MYO1E: variants seen among roughly 807,000 people sequenced by gnomAD.
The protein encoded by MYO1E is unconventional myosin-Ie.
Under a neutral mutation model 151.1 loss-of-function variants are expected in MYO1E, and 68 were observed. The observed-to-expected ratio is 0.45, with a 90% CI of 0.37 to 0.55. MYO1E has a LOEUF of 0.55. Among genes scored for constraint, MYO1E ranks in the 20% least tolerant of loss-of-function variants. MYO1E has a pLI of 0.00. For missense variants in MYO1E, 1,363 were observed against 1,389.3 expected (o/e 0.98, Z 0.30); for synonymous variants, 601 against 501.7 (o/e 1.20, Z -2.64).
rs187157569 is a variant in MYO1E at position 59,132,822 on chromosome 15, C to T, written c.*4558G>A. The T allele has an allele frequency of 6.6e-6, 1 of 152,140 alleles. No homozygotes were observed. Among genetic ancestry groups the T allele is most frequent in the African/African-American group, 2.4e-5 (1 of 41,416 alleles). The allele number at this position is 152,140 out of a possible 1,614,324, so 9.4% of individuals were successfully genotyped here. A position where few individuals can be genotyped will look rare whatever the true frequency, so the allele number is the denominator to read the frequency against. ...TATAGCTTCTAGTGTGAAGAAGATA[C>T]TTGAACATAGCTGTTAATTATTTTA... On this transcript the variant is annotated 3_prime_UTR_variant, in exon 28 of 28. Transcript: ENST00000288235.
intron 1 of MYO1E, among the ~76,000 whole-genome samples, chr15:59,278,503 T>C (rs2080334786): frequency 6.6e-6 from 1 of 151,138 alleles, no homozygotes; most frequent in Non-Finnish European, 1.5e-5. Context: ...CTGCAAATGA[T>C]GAAAAATCAA....
chr15:59,178,120 G>A (rs1239750751), intron 19 of MYO1E, among the ~76,000 whole-genome samples: 1 of 152,206 alleles, frequency 6.6e-6, no homozygotes, highest in East Asian at 1.9e-4. Flanking sequence ...AGAGAGGAGC[G>A]AGACAGTCAG....
At chr15:59,232,002 T>A (rs2080031232) in intron 5 of MYO1E, among the ~76,000 whole-genome samples, 1 of 152,160 alleles carries the variant, frequency 6.6e-6, no homozygotes, top group Non-Finnish European at 1.5e-5. Context: ...TCCCATGGCT[T>A]GATGCAGAGT....
intron 1 of MYO1E, among the ~76,000 whole-genome samples, chr15:59,278,541 A>C (rs1339974899): frequency 6.6e-6 from 1 of 152,244 alleles, no homozygotes; most frequent in African/African-American, 2.4e-5. Flanking sequence ...TCTGCTACAT[A>C]CAAGGCACTG....
chr15:59,240,354 T>C (rs2080092446), intron 4 of MYO1E, among the ~76,000 whole-genome samples: 1 of 152,064 alleles, frequency 6.6e-6, no homozygotes, highest in Non-Finnish European at 1.5e-5. Context: ...TTAATTCAAA[T>C]AGGAAGTATT....
At chr15:59,147,398 G>A (rs1596341102) in intron 26 of MYO1E, among the ~76,000 whole-genome samples, 2 of 152,076 alleles carry the variant, frequency 1.3e-5, no homozygotes, top group East Asian at 1.9e-4. Flanking sequence ...CCAGGAGTTC[G>A]AGACCAGCCT....
chr15:59,370,964 A>G (rs1295072398), intron 1 of MYO1E, among the ~76,000 whole-genome samples: 1 of 152,174 alleles, frequency 6.6e-6, no homozygotes, highest in Non-Finnish European at 1.5e-5. Context: ...CACATGCCCA[A>G]TGGGAATGGT....
chr15:59,170,587 T>TAA (rs202232871), intron 22 of MYO1E, among the ~76,000 whole-genome samples: 3 of 143,636 alleles, frequency 2.1e-5, no homozygotes, highest in Non-Finnish European at 3.0e-5. Flanking sequence ...CCTAGAGCTT[T>TAA]AAAAAAAAAA....
At chr15:59,201,109 A>ATTTT (rs35652210) in intron 16 of MYO1E, among the ~76,000 whole-genome samples, 16 of 144,364 alleles carry the variant, frequency 1.1e-4, no homozygotes, top group Non-Finnish European at 2.1e-4. Flanking sequence ...GACAAAAACT[A>ATTTT]TTTTTTTTTT....
intron 1 of MYO1E, among the ~76,000 whole-genome samples, chr15:59,363,425 T>TC (rs2080896769): frequency 6.6e-6 from 1 of 152,234 alleles, no homozygotes; most frequent in Non-Finnish European, 1.5e-5. Context: ...CCTCTGGTAT[T>TC]ACTGAATAAA....
chr15:59,200,397 G>GCCC (rs1231815040), intron 16 of MYO1E, among the ~76,000 whole-genome samples: 2 of 152,172 alleles, frequency 1.3e-5, no homozygotes, highest in African/African-American at 4.8e-5. Flanking sequence ...TCAGCAATCT[G>GCCC]CCCCAGTGAG....
At chr15:59,337,463 T>C (rs1415317400) in intron 1 of MYO1E, among the ~76,000 whole-genome samples, 2 of 152,236 alleles carry the variant, frequency 1.3e-5, no homozygotes, top group African/African-American at 2.4e-5. Context: ...TTCTACAATT[T>C]CGCATTTGGC....
At chr15:59,163,581 G>T (rs1209588443) in intron 22 of MYO1E, among the ~76,000 whole-genome samples, 1 of 151,890 alleles carries the variant, frequency 6.6e-6, no homozygotes, top group Non-Finnish European at 1.5e-5. Context: ...GGACAATTTA[G>T]CCCATATTAA....
At chr15:59,140,593 G>A (rs2079403250) in intron 26 of MYO1E, among the ~76,000 whole-genome samples, 1 of 152,216 alleles carries the variant, frequency 6.6e-6, no homozygotes, top group African/African-American at 2.4e-5. Flanking sequence ...GGAAAAGGGA[G>A]GGCCTTCCTG....
At chr15:59,346,911 T>C (rs1187250418) in intron 1 of MYO1E, among the ~76,000 whole-genome samples, 11 of 146,108 alleles carry the variant, frequency 7.5e-5, no homozygotes, top group Non-Finnish European at 1.2e-4. Flanking sequence ...AGCGAGACCT[T>C]GTCTCCCAAA....
rs2079358819 is a variant in MYO1E at position 59,134,120 on chromosome 15, CA to C, written c.*3259del. On this transcript the variant is annotated 3_prime_UTR_variant, in exon 28 of 28. Transcript: ENST00000288235. ...TGAGGCCACATGACTAAGCTCTGGC[CA>C]GCAGAATATTGGTGGACATGGTGTG... is the stretch of plus-strand genomic sequence containing the variant. 6.6e-6 allele frequency: 1 copy of C among 152,308 alleles called. No homozygotes were observed. Among genetic ancestry groups the C allele is most frequent in the Middle Eastern group, 3.1e-3 (1 of 320 alleles). 9.4% of individuals were successfully genotyped at this position (152,308 alleles called of 1,614,324 possible). A position where few individuals can be genotyped will look rare whatever the true frequency, so the allele number is the denominator to read the frequency against.
intron 6 of MYO1E, among the ~76,000 whole-genome samples, chr15:59,228,164 T>C (rs976180090): frequency 2.1e-4 from 32 of 152,254 alleles, no homozygotes; most frequent in African/African-American, 7.5e-4. Context: ...TAGACTGTAG[T>C]TGAAAAGGTA....
intron 2 of MYO1E, chr15:59,266,847 G>C (rs571232123): frequency 1.3e-5 from 2 of 150,004 alleles, no homozygotes; most frequent in East Asian, 4.0e-4. Flanking sequence ...ATTTTTAGTA[G>C]AGACGGAGTT....
In MYO1E at chr15:59,149,169, G is replaced by A. The variant is rs978002003; in HGVS notation, c.3080+4421C>T. 5.5e-5 allele frequency among the ~76,000 whole-genome samples: 8 copies of A among 146,734 alleles called. No homozygotes were observed. The East Asian group carries it at 6.4e-4, about 12-fold the overall frequency. ...CCTCCTGGGTTCACGCCATTCTCCC[G>A]CCTCAGCCTCCTGATTAGCTGGGAC... On this transcript the variant is annotated intron_variant, in intron 26 of 27. Transcript: ENST00000288235.
Sources: allele counts gnomAD v4.1 joint callset (sites outside exome capture counted in the v4.1 genomes callset), GRCh38; gene constraint gnomAD v4.1.1; transcripts MANE v1.5; gene names NCBI Gene and HGNC (gene_info 2026-07-23, HGNC 2026-07-21).